Variants in SEMA6D observed in about 807,000 individuals in gnomAD.
The protein encoded by SEMA6D is semaphorin 6D, also known as semaphorin-6D.
In SEMA6D, 35 loss-of-function variants were observed where a neutral mutation model predicts 106.6. The ratio of observed to expected loss-of-function variants is 0.33; its 90% CI spans 0.25 to 0.44. SEMA6D has a LOEUF of 0.44. SEMA6D is among the 20% of genes least tolerant of loss of function. SEMA6D has a pLI of 1.00. For missense variants in SEMA6D, 1,185 were observed against 1,345.9 expected (o/e 0.88, Z 1.87); for synonymous variants, 499 against 487.7 (o/e 1.02, Z -0.31).
intron 2 of SEMA6D, among the ~76,000 whole-genome samples, chr15:47,427,457 C>T (rs568757194): frequency 3.9e-5 from 6 of 152,268 alleles, no homozygotes; most frequent in Non-Finnish European, 8.8e-5. Context: ...CCTTTTCATT[C>T]TGTCACATTT....
chr15:47,594,720 G>T (rs1156693082), intron 3 of SEMA6D, among the ~76,000 whole-genome samples: 1 of 152,186 alleles, frequency 6.6e-6, no homozygotes, highest in African/African-American at 2.4e-5. Context: ...ATAGTTTGAT[G>T]AGTATTCTAG....
intron 1 of SEMA6D, among the ~76,000 whole-genome samples, chr15:47,371,742 T>G (rs1360610860): frequency 6.6e-6 from 1 of 152,238 alleles, no homozygotes; most frequent in Non-Finnish European, 1.5e-5. Flanking sequence ...CATCTAGAGA[T>G]AATGCTTTAG....
chr15:47,309,101 T>A (rs2036342601), intron 1 of SEMA6D, among the ~76,000 whole-genome samples: 1 of 152,188 alleles, frequency 6.6e-6, no homozygotes, highest in South Asian at 2.1e-4. Flanking sequence ...TATATCCCAA[T>A]GAACCCACTG....
intron 1 of SEMA6D, among the ~76,000 whole-genome samples, chr15:47,217,547 TACAA>T (rs2030744073): frequency 7.1e-6 from 1 of 141,016 alleles, no homozygotes; most frequent in Non-Finnish European, 1.5e-5. Context: ...TTAAGTGAAA[TACAA>T]ACCACGCGTG....
chr15:47,529,064 T>G (rs1365950450), intron 3 of SEMA6D, among the ~76,000 whole-genome samples: 1 of 152,198 alleles, frequency 6.6e-6, no homozygotes, highest in Non-Finnish European at 1.5e-5. Flanking sequence ...AAATAGTTGA[T>G]TAACACACAT....
chr15:47,399,655 A>C (rs754848211), intron 1 of SEMA6D: 4 of 152,172 alleles, frequency 2.6e-5, no homozygotes, highest in Non-Finnish European at 4.4e-5. Flanking sequence ...GACCCTAACC[A>C]GTGTCTTATG....
At chr15:47,325,361 C>T (rs1378521308) in intron 1 of SEMA6D, among the ~76,000 whole-genome samples, 4 of 151,926 alleles carry the variant, frequency 2.6e-5, no homozygotes, top group East Asian at 1.9e-4. Context: ...TTAGTAGAGA[C>T]GAGGTTTGGT....
chr15:47,408,516 A>G (rs2040673455), intron 1 of SEMA6D, among the ~76,000 whole-genome samples: 1 of 152,222 alleles, frequency 6.6e-6, no homozygotes, highest in Admixed American at 6.5e-5. Context: ...ATGCTTGCAC[A>G]CTAGTAAAGG....
chr15:47,657,392 C>T (rs943792200), intron 4 of SEMA6D, among the ~76,000 whole-genome samples: 3 of 152,102 alleles, frequency 2.0e-5, no homozygotes, highest in African/African-American at 7.2e-5. Context: ...TTTTCTTCAA[C>T]TCGTTTCTAC....
intron 3 of SEMA6D, among the ~76,000 whole-genome samples, chr15:47,482,427 G>A (rs1025697503): frequency 2.0e-5 from 3 of 151,964 alleles, no homozygotes; most frequent in Non-Finnish European, 2.9e-5. Flanking sequence ...GAGTGGCACC[G>A]GAATCCTTCT....
chr15:47,193,042 T>C (rs921478954), intron 1 of SEMA6D, among the ~76,000 whole-genome samples: 12 of 152,136 alleles, frequency 7.9e-5, no homozygotes, highest in African/African-American at 2.4e-4. Context: ...CATTGCCTTA[T>C]CTCCCAGCAG....
chr15:47,417,151 T>C (rs2040995375), intron 2 of SEMA6D, among the ~76,000 whole-genome samples: 1 of 152,030 alleles, frequency 6.6e-6, no homozygotes, highest in South Asian at 2.1e-4. Flanking sequence ...CCTGCAAAAA[T>C]TTTTAATTAA....
intron 3 of SEMA6D, among the ~76,000 whole-genome samples, chr15:47,538,960 C>T (rs2045267757): frequency 1.3e-5 from 2 of 152,126 alleles, no homozygotes; most frequent in Admixed American, 6.6e-5. Flanking sequence ...CTACTTAGAG[C>T]TCATGGGATA....
chr15:47,455,867 T>C (rs2042330686), intron 2 of SEMA6D, among the ~76,000 whole-genome samples: 1 of 151,962 alleles, frequency 6.6e-6, no homozygotes, highest in Non-Finnish European at 1.5e-5. Flanking sequence ...TAGGTTCATG[T>C]AGTCATGAGT....
intron 1 of SEMA6D, chr15:47,359,959 T>C (rs1237961874): frequency 1.3e-5 from 2 of 152,188 alleles, no homozygotes; most frequent in East Asian, 1.9e-4. Context: ...CATTGCTTGG[T>C]GTGATTTTGG....
intron 1 of SEMA6D, among the ~76,000 whole-genome samples, chr15:47,389,105 C>T (rs1272179669): frequency 1.3e-5 from 2 of 152,164 alleles, no homozygotes; most frequent in African/African-American, 4.8e-5. Context: ...TCCACAGACA[C>T]AGTGAATTCT....
chr15:47,609,196 G>A (rs540359963), intron 4 of SEMA6D, among the ~76,000 whole-genome samples: 16 of 152,248 alleles, frequency 1.1e-4, no homozygotes, highest in African/African-American at 3.9e-4. Context: ...GTTTCTGTCT[G>A]TAACTTTTGC....
intron 3 of SEMA6D, among the ~76,000 whole-genome samples, chr15:47,574,065 C>A (rs1404284020): frequency 6.6e-6 from 1 of 152,024 alleles, no homozygotes; most frequent in Non-Finnish European, 1.5e-5. Context: ...AGGATCCAGG[C>A]AAGAACTTCT....
chr15:47,761,421 G>A lies in SEMA6D; in HGVS notation c.437G>A (p.Arg146Lys), dbSNP rs1422214016. 6.2e-7 allele frequency: 1 copy of A among 1,609,228 alleles called. No homozygotes were observed. ...ACCAATGCATTCAATCCCATGTGTA[G>A]ATACTACAGGGTAAGTATATTTTAT... The part of the protein sequence containing the change: ...CGTNAFNPMC[R>K]YYRLSTLEYD... The change falls in exon 6 of 19, where the codon AGA becomes AAA. Residue 146 changes from arginine (R) to lysine (K), a missense_variant. Transcript: ENST00000536845.
Sources: gnomAD v4.1 joint callset for allele counts (sites outside exome capture counted in the v4.1 genomes callset) on GRCh38, gnomAD v4.1.1 for gene constraint, MANE v1.5 for transcripts, NCBI Gene and HGNC (gene_info 2026-07-23, HGNC 2026-07-21) for gene names.